The following CACNA1C variants were observed in gnomAD, a reference collection of about 807,000 sequenced individuals.
CACNA1C encodes the protein voltage-dependent L-type calcium channel subunit alpha-1C.
A neutral mutation model predicts 229.0 loss-of-function variants in CACNA1C; 30 were observed. The observed-to-expected ratio is 0.13, with a 90% CI of 0.10 to 0.18. The LOEUF (loss-of-function observed/expected upper bound fraction) is 0.18. Among genes scored for constraint, CACNA1C ranks in the 10% least tolerant of loss-of-function variants. The pLI is 1.00. For missense variants in CACNA1C, 1,658 were observed against 2,845.0 expected (o/e 0.58, Z 9.49); for synonymous variants, 1,114 against 1,132.5 (o/e 0.98, Z 0.33).
At chr12:2,341,794 A>G (rs1267382758) in intron 3 of CACNA1C, among the ~76,000 whole-genome samples, 9 of 152,244 alleles carry the variant, frequency 5.9e-5, no homozygotes, top group Admixed American at 2.0e-4. Flanking sequence ...AAGGAGTTTG[A>G]CTGGCAAGGA....
intron 3 of CACNA1C, among the ~76,000 whole-genome samples, chr12:2,332,436 T>G (rs1184508301): frequency 6.6e-6 from 1 of 152,126 alleles, no homozygotes; most frequent in African/African-American, 2.4e-5. Context: ...AGGATGTGAG[T>G]GTGTAGCAGG....
At chr12:2,420,462 T>G (rs1428354244) in intron 3 of CACNA1C, among the ~76,000 whole-genome samples, 1 of 152,204 alleles carries the variant, frequency 6.6e-6, no homozygotes, top group Non-Finnish European at 1.5e-5. Flanking sequence ...GTCCTCCCAC[T>G]GGCTTTTCTC....
At position 2,677,841 on chromosome 12, in the gene CACNA1C, G is replaced by A. The variant is rs368700869; in HGVS notation, c.5065G>A (p.Ala1689Thr). ...CAAGGCCATGAAGGAGGCTGTGTCC[G>A]CTGCTTCTGAAGATGACATCTTCAG... ...LDKAMKEAVS[A>T]ASEDDIFRRA... is the part of the protein sequence containing the mutation. The change falls in exon 41 of 47, where the codon GCT becomes ACT. Residue 1689 changes from alanine (A) to threonine (T), a missense_variant. Physicochemically the swap from Ala to Thr is moderately conservative, Grantham distance 58. This residue lies in a region of CACNA1C where 590 missense variants were observed against 700.8 expected (regional missense o/e 0.84). Coordinates refer to ENST00000399655, the MANE Select transcript of CACNA1C (RefSeq NM_000719.7). This position sits in a 1 kb window ranked among gnomAD's most constrained non-coding sequence, Gnocchi z 7.4. 20 of 1,613,834 alleles carry A rather than the reference G, an allele frequency of 1.2e-5. No individual in the cohort carries two copies. Among genetic ancestry groups the A allele is most frequent in the South Asian group, 4.4e-5 (4 of 91,076 alleles).
intron 31 of CACNA1C, among the ~76,000 whole-genome samples, chr12:2,648,781 G>A (rs2094602738): frequency 2.0e-5 from 3 of 152,136 alleles, no homozygotes; most frequent in Non-Finnish European, 4.4e-5. Flanking sequence ...GGAGAGAATG[G>A]GACCCGAGGT....
chr12:2,247,768 C>A (rs546842363), intron 3 of CACNA1C, among the ~76,000 whole-genome samples: 1 of 152,342 alleles, frequency 6.6e-6, no homozygotes, highest in East Asian at 1.9e-4. Context: ...TGTGCTTCCT[C>A]TTTTCATTCT....
chr12:2,184,625 A>T (rs2096940420), intron 3 of CACNA1C, among the ~76,000 whole-genome samples: 1 of 152,162 alleles, frequency 6.6e-6, no homozygotes, highest in Admixed American at 6.5e-5. Context: ...TAGCCTGTTC[A>T]TTTATCTGTT....
chr12:2,648,886 TG>T (rs1423218246), intron 31 of CACNA1C, among the ~76,000 whole-genome samples: 5 of 152,098 alleles, frequency 3.3e-5, no homozygotes, highest in African/African-American at 7.2e-5. Context: ...ATGAGAGCCA[TG>T]GTAGGGCTCC....
At chr12:2,098,944 C>T (rs946180678) in intron 1 of CACNA1C, among the ~76,000 whole-genome samples, 3 of 152,170 alleles carry the variant, frequency 2.0e-5, no homozygotes, top group Non-Finnish European at 4.4e-5. Context: ...GCATGTGTCA[C>T]TTGGCACTGG....
intron 3 of CACNA1C, among the ~76,000 whole-genome samples, chr12:2,324,577 C>T (rs2096197426): frequency 6.6e-6 from 1 of 152,268 alleles, no homozygotes. Context: ...CCCTGAGCTG[C>T]ACCTGCTGGA....
At chr12:2,016,211 A>G (rs185346693) in intron 1 of CACNA1C, among the ~76,000 whole-genome samples, 79 of 152,262 alleles carry the variant, frequency 5.2e-4, no homozygotes, top group African/African-American at 1.9e-3. Flanking sequence ...GATTTGACAA[A>G]CATTTCCTGA....
upstream of CACNA1C, among the ~76,000 whole-genome samples, chr12:2,052,024 G>C (rs533537123): frequency 1.5e-4 from 23 of 152,322 alleles, no homozygotes; most frequent in East Asian, 4.4e-3. Flanking sequence ...CCCTGAAAGG[G>C]ATCACGAAGC....
chr12:2,074,447 AGATG>A (rs1253877542), intron 1 of CACNA1C, among the ~76,000 whole-genome samples: 1 of 152,122 alleles, frequency 6.6e-6, no homozygotes, highest in African/African-American at 2.4e-5. Context: ...TGAGGCTCGG[AGATG>A]ATCTGACTTG....
chr12:2,382,831 A>G (rs1472826693), intron 3 of CACNA1C, among the ~76,000 whole-genome samples: 1 of 152,156 alleles, frequency 6.6e-6, no homozygotes, highest in Non-Finnish European at 1.5e-5. Context: ...CTTAGAATAG[A>G]GCTCATCCGA....
At chr12:2,137,875 T>C (rs965605520) in intron 3 of CACNA1C, among the ~76,000 whole-genome samples, 3 of 151,172 alleles carry the variant, frequency 2.0e-5, no homozygotes, top group Admixed American at 6.6e-5. Flanking sequence ...GCTGCCGGGG[T>C]CCGGGAGCGC....
At chr12:2,202,395 G>A (rs1052159400) in intron 3 of CACNA1C, among the ~76,000 whole-genome samples, 2 of 152,246 alleles carry the variant, frequency 1.3e-5, no homozygotes, top group African/African-American at 4.8e-5. Flanking sequence ...TATTGTACAC[G>A]TTTAGGTCTT....
chr12:2,627,035 C>G (rs2087100981), intron 29 of CACNA1C, among the ~76,000 whole-genome samples: 1 of 152,154 alleles, frequency 6.6e-6, no homozygotes, highest in African/African-American at 2.4e-5. Flanking sequence ...GTTCCTCCTG[C>G]AACTAGGAGA....
chr12:2,085,825 A>C lies in CACNA1C; in HGVS notation c.50-29399A>C, dbSNP rs188196203. On this transcript the variant is annotated intron_variant, in intron 1 of 46. Transcript: ENST00000399655. The stretch of plus-strand genomic sequence containing the variant: ...CACTGTAAATGATAGGTGGTCCTGC[A>C]TCGTCTTACTGTTCTCAGCTTTTAC... 2.0e-5 allele frequency among the ~76,000 whole-genome samples: 3 copies of C among 152,294 alleles called. No individual in the cohort carries two copies. In the East Asian group the frequency reaches 5.8e-4, roughly 29 times the overall value.
rs1391363326 is a variant in CACNA1C at position 2,135,644 on chromosome 12, T to C, written c.477+15214T>C. Among the ~76,000 whole-genome samples, 6 of 141,664 alleles carry C rather than the reference T, an allele frequency of 4.2e-5. 1 individual carries two copies. In the East Asian group the frequency reaches 1.0e-3, roughly 24 times the overall value. The allele number at this position is 141,664 out of a possible 152,430, so 92.9% of individuals were successfully genotyped here. Reference sequence around the variant, plus strand: ...AGGGGTCAGGGGTCAGGGACCCACTTGAAGAGGCAGTCTGCCCGTTCTCAG... The same window carrying C: ...AGGGGTCAGGGGTCAGGGACCCACTCGAAGAGGCAGTCTGCCCGTTCTCAG... On this transcript the variant is annotated intron_variant, in intron 3 of 46. Coordinates refer to ENST00000399655, the MANE Select transcript of CACNA1C (RefSeq NM_000719.7).
intron 3 of CACNA1C, among the ~76,000 whole-genome samples, chr12:2,359,331 T>A (rs2097489125): frequency 6.6e-6 from 1 of 152,162 alleles, no homozygotes; most frequent in African/African-American, 2.4e-5. Flanking sequence ...TGGGTGGACC[T>A]TCAGCCCATA....
Sources: gnomAD v4.1 joint callset for allele counts (sites outside exome capture counted in the v4.1 genomes callset) on GRCh38, gnomAD v4.1.1 for gene constraint, gnomAD v4.1.1 regional missense constraint, Gnocchi (gnomAD v3.1) non-coding constraint, MANE v1.5 for transcripts, NCBI Gene and HGNC (gene_info 2026-07-23, HGNC 2026-07-21) for gene names.